Variants in KEL observed in about 807,000 individuals in gnomAD.
The protein encoded by KEL is Kell metallo-endopeptidase (Kell blood group).
A neutral mutation model predicts 99.5 loss-of-function variants in KEL; 96 were observed. The ratio of observed to expected loss-of-function variants is 0.97; its 90% CI spans 0.82 to 1.14. KEL has a LOEUF of 1.14. Ranked by LOEUF, KEL falls within the 50% of genes most tolerant of loss-of-function variation. The pLI, the probability that KEL is intolerant of heterozygous loss-of-function variation, is 0.00. For missense variants in KEL, 926 were observed against 924.2 expected (o/e 1.00, Z -0.03); for synonymous variants, 355 against 354.8 (o/e 1.00, Z -0.01).
At chr7:142,944,522 C>A in intron 12 of KEL, 121 bp downstream of exon 12, 1 of 1,165,602 alleles carries the variant, frequency 8.6e-7, no homozygotes, top group South Asian at 1.2e-5. Context: ...AGCCCAGTGG[C>A]TTCCCTACTT....
intron 12 of KEL, 62 bp from the exon 13 acceptor site, chr7:142,944,462 C>T (rs918160707): frequency 7.1e-7 from 1 of 1,402,870 alleles, no homozygotes; most frequent in African/African-American, 1.4e-5. Context: ...AAATTTCTCC[C>T]ACTCGTTGCC....
chr7:142,962,117 T>A (rs766209513), intron 1 of KEL, 87 bp downstream of exon 1: 23 of 1,613,394 alleles, frequency 1.4e-5, no homozygotes, highest in Admixed American at 3.3e-5. Flanking sequence ...AGCCTTACAT[T>A]CCCTCCCCTC....
chr7:142,961,620 C>A (rs1181393066), intron 2 of KEL, 119 bp from the exon 3 acceptor site: 6 of 1,375,490 alleles, frequency 4.4e-6, no homozygotes, highest in Non-Finnish European at 6.2e-6. Context: ...AAATAATTAT[C>A]CCAATTCTTC....
At chr7:142,941,991 T>C (rs187186878) in intron 18 of KEL, 1 of 176,034 alleles carries the variant, frequency 5.7e-6, no homozygotes, top group Admixed American at 5.5e-5. Flanking sequence ...GTATTTTTAG[T>C]AGAGACGGGG....
Position 142,961,460 on chromosome 7 carries a change from T to A in KEL, c.123A>T (p.Pro41=), listed in dbSNP as rs773259066. 6 of 1,610,934 alleles carry A rather than the reference T, an allele frequency of 3.7e-6. No homozygotes were observed. The Middle Eastern group carries it at 5.2e-4, about 139-fold the overall frequency. The change falls in exon 3 of 19, where the codon CCA becomes CCT. Residue 41 remains proline (P), a synonymous_variant. Coordinates refer to ENST00000355265, the MANE Select transcript of KEL (RefSeq NM_000420.3). ...TCAGCACCCGCCTGGCCACTGCCCA[T>A]GGCCTGCTCCCTTCCACGGGCAGCC... ...EERLPVEGSR[P]WAVARRVLTA...
At position 142,942,423 on chromosome 7, in the gene KEL, C is replaced by G; in HGVS notation, c.2037+11G>C. 6.4e-7 allele frequency: 1 copy of G among 1,560,270 alleles called. No individual in the cohort carries two copies. Among genetic ancestry groups the G allele is most frequent in the Non-Finnish European group, 8.7e-7 (1 of 1,149,050 alleles). Reference sequence around the variant, plus strand: ...TAAAGCAAGCTGTGGCGGGAGGTGGCCGCTGCCTACCTGGGCATAGCTTCG... The same window carrying G: ...TAAAGCAAGCTGTGGCGGGAGGTGGGCGCTGCCTACCTGGGCATAGCTTCG... On this transcript the variant is annotated intron_variant, in intron 18 of 18. Coordinates refer to ENST00000355265, the MANE Select transcript of KEL (RefSeq NM_000420.3).
chr7:142,948,914 A>ACACACACACACAC (rs1554393460), intron 10 of KEL, among the ~76,000 whole-genome samples: 3 of 152,032 alleles, frequency 2.0e-5, no homozygotes, highest in African/African-American at 7.3e-5. Flanking sequence ...ACACACACAC[A>ACACACACACACAC]CACACACACA....
At chr7:142,957,766 T>G in intron 6 of KEL, 61 bp downstream of exon 6, 2 of 1,600,554 alleles carry the variant, frequency 1.2e-6, no homozygotes, top group Non-Finnish European at 1.7e-6. Context: ...CTCTAAGGGA[T>G]GATTGGCTAG....
In KEL at chr7:142,941,352, C is replaced by T. The variant is rs1268359042; in HGVS notation, c.2099G>A (p.Arg700Gln). Residue 700 changes from arginine to glutamine, a missense_variant, in exon 19 of 19, where the codon CGA (arginine) becomes CAA (glutamine). Coordinates refer to ENST00000355265, the MANE Select transcript of KEL (RefSeq NM_000420.3). The part of the protein sequence containing the change: ...SHDTHSPPHL[R>Q]VHGPLSSTPA... Reference sequence around the variant, plus strand: ...GGTGCTGCTGAGGGGCCCGTGGACTCGGAGGTGTGGAGGGCTGTGAGTGTC... The same window carrying T: ...GGTGCTGCTGAGGGGCCCGTGGACTTGGAGGTGTGGAGGGCTGTGAGTGTC... 8.7e-6 allele frequency: 14 copies of T among 1,613,184 alleles called. No individual in the cohort carries two copies. Among genetic ancestry groups the T allele is most frequent in the East Asian group, 6.7e-5 (3 of 44,852 alleles).
intron 10 of KEL, among the ~76,000 whole-genome samples, chr7:142,946,886 C>T (rs1185148315): frequency 3.9e-5 from 6 of 152,114 alleles, no homozygotes; most frequent in Non-Finnish European, 5.9e-5. Context: ...GAAAAGAGGA[C>T]ACAAGACAAG....
At chr7:142,946,809 T>G (rs1486405067) in intron 10 of KEL, among the ~76,000 whole-genome samples, 2 of 152,240 alleles carry the variant, frequency 1.3e-5, no homozygotes, top group Non-Finnish European at 2.9e-5. Flanking sequence ...TGTATCATAC[T>G]GTAGCATCTT....
rs369523057 is a variant in KEL at position 142,941,213 on chromosome 7, G to C, written c.*39C>G. On this transcript the variant is annotated 3_prime_UTR_variant, in exon 19 of 19. Transcript: ENST00000355265. Reference sequence around the variant, plus strand: ...CCATGGATGTGACCAGGGAGGTGTTGGTCGATATTTCTGTGCTGTGGCATC... The same window carrying C: ...CCATGGATGTGACCAGGGAGGTGTTCGTCGATATTTCTGTGCTGTGGCATC... 1 of 1,607,602 alleles carries C rather than the reference G, an allele frequency of 6.2e-7. No individual in the cohort carries two copies. Among genetic ancestry groups the C allele is most frequent in the South Asian group, 1.1e-5 (1 of 90,936 alleles).
At chr7:142,946,742 C>T (rs1212606535) in intron 10 of KEL, 5 of 244,322 alleles carry the variant, frequency 2.0e-5, no homozygotes, top group South Asian at 6.3e-5. Context: ...ACGGAGATTG[C>T]GGATGGAAAT....
chr7:142,954,452 T>C lies in KEL; in HGVS notation c.735+13A>G. 1 of 1,613,044 alleles carries C rather than the reference T, an allele frequency of 6.2e-7. No individual in the cohort carries two copies. The highest frequency in any genetic ancestry group is 8.5e-7 in the Non-Finnish European group (1 of 1,178,988). On this transcript the variant is annotated intron_variant, in intron 7 of 18. Transcript: ENST00000355265. Reference sequence around the variant, plus strand: ...CCTCAGAGGGCAGGGCCTTTGTCCATGTGCCATCTTACCTGGGCATAGATC... The same window carrying C: ...CCTCAGAGGGCAGGGCCTTTGTCCACGTGCCATCTTACCTGGGCATAGATC...
At chr7:142,961,976 GC>G in intron 1 of KEL, 104 bp from the exon 2 acceptor site, 3 of 1,603,462 alleles carry the variant, frequency 1.9e-6, no homozygotes, top group Non-Finnish European at 2.6e-6. Context: ...TGCCTGCCCT[GC>G]CCCCACACAC....
chr7:142,961,646 C>T (rs1306660298), intron 2 of KEL, 145 bp from the exon 3 acceptor site: 3 of 1,316,538 alleles, frequency 2.3e-6, no homozygotes, highest in Non-Finnish European at 3.3e-6. Context: ...CCCAGCCCTA[C>T]TTTAACTCCT....
Position 142,962,104 on chromosome 7 carries a change from G to A in KEL, c.3+100C>T, listed in dbSNP as rs1186200408. On this transcript the variant is annotated intron_variant, in intron 1 of 18. Coordinates refer to ENST00000355265, the MANE Select transcript of KEL (RefSeq NM_000420.3). ...CCCTCTCTCCCCACCTTTCTACTCT[G>A]TAAGCCTTACATTCCCTCCCCTCCA... 5.6e-6 allele frequency: 9 copies of A among 1,613,732 alleles called. 1 individual carries two copies. The highest frequency in any genetic ancestry group is 7.6e-6 in the Non-Finnish European group (9 of 1,179,938).
At chr7:142,950,399 G>A (rs748505242) in intron 10 of KEL, among the ~76,000 whole-genome samples, 1 of 152,150 alleles carries the variant, frequency 6.6e-6, no homozygotes, top group Non-Finnish European at 1.5e-5. Context: ...GACACAGCAA[G>A]CCTAGTCTTC....
chr7:142,947,608 T>C (rs1796567533), intron 10 of KEL, among the ~76,000 whole-genome samples: 1 of 152,182 alleles, frequency 6.6e-6, no homozygotes, highest in Admixed American at 6.5e-5. Flanking sequence ...TGGAGTGCAG[T>C]GGTGCAATCT....
Sources: allele counts gnomAD v4.1 joint callset (sites outside exome capture counted in the v4.1 genomes callset), GRCh38; gene constraint gnomAD v4.1.1; transcripts MANE v1.5; gene names NCBI Gene and HGNC (gene_info 2026-07-23, HGNC 2026-07-21).